Variants in MYO16 observed in about 807,000 individuals in gnomAD.
The protein encoded by MYO16 is unconventional myosin-XVI.
Under a neutral mutation model 205.3 loss-of-function variants are expected in MYO16, and 94 were observed. That is an observed-to-expected ratio of 0.46 (90% CI 0.39 to 0.54). The LOEUF (loss-of-function observed/expected upper bound fraction) is 0.54, where lower values mean the gene tolerates loss of function less well. Ranked by LOEUF, MYO16 falls within the 20% of genes least tolerant of loss-of-function variation. The pLI, the probability that MYO16 is intolerant of heterozygous loss-of-function variation, is 0.00. For synonymous variants in MYO16, 988 were observed against 954.0 expected, an observed-to-expected ratio of 1.04 and a Z score of -0.66; for missense variants, 2,315 against 2,387.5, an observed-to-expected ratio of 0.97 and a Z score of 0.63.
At chr13:109,015,716 C>G (rs992919182) in intron 22 of MYO16, among the ~76,000 whole-genome samples, 2 of 152,134 alleles carry the variant, frequency 1.3e-5, no homozygotes, top group African/African-American at 4.8e-5. Flanking sequence ...AGGAATTTAT[C>G]CATTTCTTCT....
chr13:109,058,413 G>C (rs887404198), intron 27 of MYO16, among the ~76,000 whole-genome samples: 6 of 152,084 alleles, frequency 3.9e-5, no homozygotes, highest in Admixed American at 6.6e-5. Flanking sequence ...AGACGTAGTA[G>C]GTTCAGTGAT....
At chr13:109,179,888 T>C (rs900713323) in intron 34 of MYO16, among the ~76,000 whole-genome samples, 5 of 152,300 alleles carry the variant, frequency 3.3e-5, no homozygotes, top group Non-Finnish European at 5.9e-5. Context: ...ATATTGTAGA[T>C]TTAATTTATA....
chr13:108,506,916 A>T, the MYO16 span, among the ~76,000 whole-genome samples: 1 of 152,074 alleles, frequency 6.6e-6, no homozygotes, highest in African/African-American at 2.4e-5. Context: ...ATTTTGCCAA[A>T]TGCTTTTTCT....
At chr13:108,568,572 T>C in the MYO16 span, among the ~76,000 whole-genome samples, 21 of 152,262 alleles carry the variant, frequency 1.4e-4, no homozygotes, top group Admixed American at 1.4e-3. Flanking sequence ...TCTTTATATG[T>C]CCTGGATAGC....
In MYO16 at chr13:109,164,894, AT is replaced by A; in HGVS notation, c.5165-3del. On this transcript the variant is annotated splice_region_variant and splice_polypyrimidine_tract_variant and intron_variant, in intron 32 of 34. Coordinates refer to ENST00000457511, the MANE Select transcript of MYO16 (RefSeq NM_001198950.3). ...AAAATAATTATGTTTTCTAAAATTT[AT>A]TTTAGGTTTTGAAACTAACATGAAC... 1 of 1,539,108 alleles carries A rather than the reference AT, an allele frequency of 6.5e-7. No homozygotes were observed.
chr13:108,900,162 GT>G (rs1422130207), intron 15 of MYO16, among the ~76,000 whole-genome samples: 1 of 152,110 alleles, frequency 6.6e-6, no homozygotes, highest in East Asian at 1.9e-4. Context: ...TCTGGATAGA[GT>G]TTAGAGGGTC....
intron 23 of MYO16, among the ~76,000 whole-genome samples, chr13:109,041,259 G>A (rs1886875208): frequency 6.6e-6 from 1 of 152,218 alleles, no homozygotes. Flanking sequence ...ACAATATAGT[G>A]TCAATTTAAT....
intron 15 of MYO16, 97 bp downstream of exon 15, chr13:108,898,230 A>C: frequency 1.1e-6 from 1 of 895,570 alleles, no homozygotes; most frequent in Non-Finnish European, 1.8e-6. Flanking sequence ...GTATGAATCA[A>C]TGCTGGGAGA....
intron 34 of MYO16, among the ~76,000 whole-genome samples, chr13:109,197,858 A>G (rs1437581022): frequency 6.6e-6 from 1 of 152,188 alleles, no homozygotes; most frequent in Non-Finnish European, 1.5e-5. Flanking sequence ...AATTCACAAC[A>G]TTGATGTTAG....
chr13:108,691,426 G>T (rs973718853), intron 2 of MYO16, among the ~76,000 whole-genome samples: 10 of 151,958 alleles, frequency 6.6e-5, no homozygotes, highest in Non-Finnish European at 1.5e-4. Context: ...GAGAGAGAGA[G>T]ATAGAGAGAG....
chr13:108,897,252 C>G, intron 14 of MYO16, among the ~76,000 whole-genome samples: 1 of 152,210 alleles, frequency 6.6e-6, no homozygotes, highest in Non-Finnish European at 1.5e-5. Flanking sequence ...TCCCCATCAC[C>G]TTCACAGGCA....
At chr13:108,757,154 C>T (rs968744000) in intron 4 of MYO16, among the ~76,000 whole-genome samples, 8 of 152,122 alleles carry the variant, frequency 5.3e-5, no homozygotes, top group African/African-American at 1.4e-4. Flanking sequence ...GCAAATTCTA[C>T]CTATTGAACA....
At chr13:108,540,313 T>C in the MYO16 span, among the ~76,000 whole-genome samples, 2 of 152,174 alleles carry the variant, frequency 1.3e-5, no homozygotes, top group Non-Finnish European at 2.9e-5. Context: ...AGGTTTTACT[T>C]TGTCACAAAG....
In MYO16 at chr13:109,120,556, G is replaced by A. The variant is rs554827341; in HGVS notation, c.3535+90G>A. On this transcript the variant is annotated intron_variant, in intron 29 of 34. Transcript: ENST00000457511. Reference sequence around the variant, plus strand: ...ATCCCCAAGTTTAAATGTCGATGGGGTCTGCACCCTAGTGGACCACTCTCT... The same window carrying A: ...ATCCCCAAGTTTAAATGTCGATGGGATCTGCACCCTAGTGGACCACTCTCT... The A allele has an allele frequency of 2.1e-4, 195 of 921,086 alleles. No individual in the cohort carries two copies. The African/African-American group carries it at 2.3e-3, about 11-fold the overall frequency. The allele number at this position is 921,086 out of a possible 1,614,324, so 57.1% of individuals were successfully genotyped here.
rs576098504 is a variant in MYO16, at chr13:108,904,239, G to A, written c.1778-5764G>A. Among the ~76,000 whole-genome samples the A allele has an allele frequency of 2.2e-4, 34 of 152,100 alleles. 1 individual carries two copies. The highest frequency in any genetic ancestry group is 7.5e-4 in the African/African-American group (31 of 41,498). The stretch of plus-strand genomic sequence containing the variant: ...TGGCTTCTAGTCCAGTATTTTCCCT[G>A]ATCTGATTATTTATTTTAGAATATA... On this transcript the variant is annotated intron_variant, in intron 15 of 34. Transcript: ENST00000457511.
At chr13:108,800,837 A>C (rs1886948159) in intron 6 of MYO16, among the ~76,000 whole-genome samples, 1 of 152,190 alleles carries the variant, frequency 6.6e-6, no homozygotes, top group Admixed American at 6.5e-5. Flanking sequence ...AATATTTAAC[A>C]TTTTACATAC....
chr13:108,816,542 A>G (rs1434328795), intron 7 of MYO16, among the ~76,000 whole-genome samples: 1 of 152,112 alleles, frequency 6.6e-6, no homozygotes, highest in Non-Finnish European at 1.5e-5. Context: ...TTGCTGTGCA[A>G]CCGCAAGGTC....
chr13:108,588,360 C>A, the MYO16 span, among the ~76,000 whole-genome samples: 6 of 152,282 alleles, frequency 3.9e-5, no homozygotes, highest in East Asian at 1.2e-3. Flanking sequence ...CAAGGACCTG[C>A]ATCATTACTG....
At chr13:109,130,506 A>C (rs1876483066) in intron 31 of MYO16, among the ~76,000 whole-genome samples, 1 of 152,270 alleles carries the variant, frequency 6.6e-6, no homozygotes, top group African/African-American at 2.4e-5. Context: ...TTTTAAGAAT[A>C]AGACAATTAA....
Sources: allele counts gnomAD v4.1 joint callset (sites outside exome capture counted in the v4.1 genomes callset), GRCh38; gene constraint gnomAD v4.1.1; transcripts MANE v1.5; gene names NCBI Gene and HGNC (gene_info 2026-07-23, HGNC 2026-07-21).